Variants in EPG5 observed in about 807,000 individuals in gnomAD.
EPG5 encodes ectopic P granules protein 5 homolog.
EPG5 carries 159 observed loss-of-function variants against 302.7 expected under a neutral mutation model. That is an observed-to-expected ratio of 0.53 (90% CI 0.46 to 0.60). EPG5 has a LOEUF of 0.60. Among genes scored for constraint, EPG5 ranks in the 20% least tolerant of loss-of-function variants. The pLI is 0.00. For missense variants in EPG5, 2,896 were observed against 3,092.4 expected, an observed-to-expected ratio of 0.94 and a Z score of 1.51; for synonymous variants, 1,158 against 1,136.8, an observed-to-expected ratio of 1.02 and a Z score of -0.37.
At chr18:45,865,967 T>G (rs959346311) in intron 38 of EPG5, among the ~76,000 whole-genome samples, 10 of 152,132 alleles carry the variant, frequency 6.6e-5, no homozygotes, top group African/African-American at 1.9e-4. Context: ...AGGGCCCATG[T>G]TTTCCCAAAT....
chr18:45,949,348 G>T, intron 5 of EPG5, 136 bp downstream of exon 5: 1 of 559,642 alleles, frequency 1.8e-6, no homozygotes, highest in Non-Finnish European at 3.1e-6. Context: ...AATGTATACT[G>T]GATATATTTT....
chr18:45,945,148 A>G (rs1473835940), intron 7 of EPG5, among the ~76,000 whole-genome samples: 1 of 152,248 alleles, frequency 6.6e-6, no homozygotes, highest in Non-Finnish European at 1.5e-5. Context: ...AAAATCATTC[A>G]TAATTTCCTT....
chr18:45,903,946 G>C (rs571154721), intron 25 of EPG5, 27 bp downstream of exon 25: 2 of 1,580,830 alleles, frequency 1.3e-6, no homozygotes, highest in East Asian at 4.6e-5. Context: ...TCACTCATTC[G>C]AAGGGGCAGG....
intron 1 of EPG5, among the ~76,000 whole-genome samples, chr18:45,958,024 C>CAG (rs1351866408): frequency 8.5e-5 from 13 of 152,146 alleles, no homozygotes; most frequent in Non-Finnish European, 1.5e-4. Flanking sequence ...GTCAGTATGG[C>CAG]AGAGGCCAAA....
chr18:45,943,813 C>A (rs2050725447), intron 8 of EPG5, among the ~76,000 whole-genome samples, 192 bp downstream of exon 8: 1 of 151,788 alleles, frequency 6.6e-6, no homozygotes, highest in Non-Finnish European at 1.5e-5. Context: ...CCCAGCTACT[C>A]GGGAGGCTGA....
chr18:45,816,480 G>C, the EPG5 span, among the ~76,000 whole-genome samples: 7 of 151,972 alleles, frequency 4.6e-5, no homozygotes, highest in Non-Finnish European at 8.8e-5. Flanking sequence ...GACATAAATA[G>C]ACAATTCTCA....
At chr18:45,840,493 T>C in the EPG5 span, among the ~76,000 whole-genome samples, 18 of 152,230 alleles carry the variant, frequency 1.2e-4, no homozygotes, top group Admixed American at 4.6e-4. Flanking sequence ...TCCTGTAGTT[T>C]CCCCTCCACA....
At chr18:45,813,432 T>C in the EPG5 span, among the ~76,000 whole-genome samples, 1 of 152,190 alleles carries the variant, frequency 6.6e-6, no homozygotes, top group East Asian at 1.9e-4. Flanking sequence ...ACCCAAATGA[T>C]TATAAATCAT....
At chr18:45,944,482 C>T (rs1238065994) in intron 7 of EPG5, among the ~76,000 whole-genome samples, 6 of 152,140 alleles carry the variant, frequency 3.9e-5, no homozygotes, top group East Asian at 1.9e-4. Flanking sequence ...GGGCCGGGCG[C>T]GGTGGCTCAT....
At chr18:45,924,382 C>G (rs960598474) in intron 14 of EPG5, among the ~76,000 whole-genome samples, 5 of 152,186 alleles carry the variant, frequency 3.3e-5, no homozygotes, top group Non-Finnish European at 7.3e-5. Context: ...AGAGAGGGCC[C>G]AGATGAATCT....
At chr18:45,937,379 T>TAC (rs913472273) in intron 10 of EPG5, among the ~76,000 whole-genome samples, 9 of 150,570 alleles carry the variant, frequency 6.0e-5, no homozygotes, top group Non-Finnish European at 7.4e-5. Flanking sequence ...CACATATATA[T>TAC]ACACACACAC....
chr18:45,860,426 A>G (rs1277246531), intron 39 of EPG5, 80 bp from the exon 40 acceptor site: 8 of 1,568,076 alleles, frequency 5.1e-6, no homozygotes, highest in African/African-American at 1.3e-5. Flanking sequence ...CAGTGCTTCA[A>G]TCTTAGCTGT....
chr18:45,838,882 C>T, the EPG5 span: 1 of 1,593,168 alleles, frequency 6.3e-7, no homozygotes, highest in Non-Finnish European at 8.5e-7. Context: ...TCACGGCCAC[C>T]TAGTGACCGC....
In EPG5 at chr18:45,866,784, A is replaced by G. The variant is rs534033232; in HGVS notation, c.6621+14T>C. ...AGGAACAGTCTCTGCCTTTTAAACTACCTCTCAACTTACAAGATGCTTCTG... is the reference window on the plus strand; with the variant it reads ...AGGAACAGTCTCTGCCTTTTAAACTGCCTCTCAACTTACAAGATGCTTCTG... On this transcript the variant is annotated intron_variant, in intron 38 of 43. Transcript: ENST00000282041. 1.6e-5 allele frequency: 25 copies of G among 1,602,470 alleles called. No homozygotes were observed. The African/African-American group carries it at 1.7e-4, about 11-fold the overall frequency.
chr18:45,858,726 C>T lies in EPG5; in HGVS notation c.7066G>A (p.Glu2356Lys), dbSNP rs754517519. 14 of 1,613,950 alleles carry T rather than the reference C, an allele frequency of 8.7e-6. No individual in the cohort carries two copies. The highest frequency in any genetic ancestry group is 1.1e-5 in the Non-Finnish European group (13 of 1,180,014). The change falls in exon 41 of 44, where the codon GAG (glutamate) becomes AAG (lysine). Residue 2356 changes from glutamate to lysine, a missense_variant. Physicochemically the swap from Glu to Lys is moderately conservative, Grantham distance 56. Transcript: ENST00000282041. Reference sequence around the variant, plus strand: ...TGCAGGAACTCTTCCATGGTGAGCTCGGGAACCTGAAGGGATACCAGAATG... The same window carrying T: ...TGCAGGAACTCTTCCATGGTGAGCTTGGGAACCTGAAGGGATACCAGAATG... ...GPILVSLQVP[E>K]LTMEEFLQEC...
chr18:45,951,461 ATTTT>A (rs11367037), intron 3 of EPG5, among the ~76,000 whole-genome samples: 6 of 144,978 alleles, frequency 4.1e-5, no homozygotes, highest in African/African-American at 7.6e-5. Context: ...CCTCATCATA[ATTTT>A]TTTTTTTTTT....
At chr18:45,825,100 A>G in the EPG5 span, among the ~76,000 whole-genome samples, 34 of 140,708 alleles carry the variant, frequency 2.4e-4, no homozygotes, top group African/African-American at 8.3e-4. Flanking sequence ...AGGCCCAGAG[A>G]CCCAACCTAA....
At chr18:45,953,249 T>A in intron 2 of EPG5, 7 of 968,804 alleles carry the variant, frequency 7.2e-6, no homozygotes, top group Non-Finnish European at 8.6e-6. Flanking sequence ...TGATTGATGA[T>A]CTTACCTTCT....
the EPG5 span, among the ~76,000 whole-genome samples, chr18:45,812,089 C>G: frequency 2.0e-5 from 3 of 152,064 alleles, no homozygotes; most frequent in Non-Finnish European, 4.4e-5. Context: ...CAAAATCGAT[C>G]TGCAAAAATC....
Sources: gnomAD v4.1 joint callset for allele counts (sites outside exome capture counted in the v4.1 genomes callset) on GRCh38, gnomAD v4.1.1 for gene constraint, MANE v1.5 for transcripts, NCBI Gene and HGNC (gene_info 2026-07-23, HGNC 2026-07-21) for gene names.